The following SHROOM3 variants were observed in gnomAD, a reference collection of about 807,000 sequenced individuals.
SHROOM3 encodes protein Shroom3.
In SHROOM3, 47 loss-of-function variants were observed where a neutral mutation model predicts 138.6. The observed-to-expected ratio is 0.34, with a 90% CI of 0.27 to 0.43. The LOEUF (loss-of-function observed/expected upper bound fraction) is 0.43, where lower values mean the gene tolerates loss of function less well. Among genes scored for constraint, SHROOM3 ranks in the 20% least tolerant of loss-of-function variants. The pLI, the probability that SHROOM3 is intolerant of heterozygous loss-of-function variation, is 1.00. For synonymous variants in SHROOM3, 1,062 were observed against 1,063.3 expected (o/e 1.00, Z 0.02); for missense variants, 2,491 against 2,596.5 (o/e 0.96, Z 0.88).
At chr4:76,579,330 T>A (rs1344135341) in intron 2 of SHROOM3, among the ~76,000 whole-genome samples, 1 of 151,792 alleles carries the variant, frequency 6.6e-6, no homozygotes, top group African/African-American at 2.4e-5. Context: ...TAGCTGGGCG[T>A]GGTGGCAGGC....
intron 2 of SHROOM3, among the ~76,000 whole-genome samples, chr4:76,611,682 A>G (rs955668364): frequency 1.3e-5 from 2 of 152,176 alleles, no homozygotes; most frequent in African/African-American, 4.8e-5. Flanking sequence ...TAATGAAGCT[A>G]GGCAGAGGAA....
chr4:76,681,594 G>GGGGTGTGTGTGTGTGTGTGTGTGTGTGT (rs1553936165), intron 2 of SHROOM3, among the ~76,000 whole-genome samples: 5 of 81,014 alleles, frequency 6.2e-5, no homozygotes, highest in Admixed American at 2.7e-4. Flanking sequence ...CAGAGTCTAG[G>GGGGTGTGTGTGTGTGTGTGTGTGTGTGT]GTGTGTGTGT....
In SHROOM3 at chr4:76,739,214, G is replaced by T. The variant is rs1336611048; in HGVS notation, c.1041G>T (p.Trp347Cys). The change falls in exon 5 of 11, where the codon TGG becomes TGT. Residue 347 changes from tryptophan to cysteine, a missense_variant. Coordinates refer to ENST00000296043, the MANE Select transcript of SHROOM3 (RefSeq NM_020859.4). ...CAAATGGTCAGGGCTATGATAAATG[G>T]TCTAATATTCCTCGGGGCAAGGGAG... ...ASANGQGYDK[W>C]SNIPRGKGVP... 5 of 1,614,054 alleles carry T rather than the reference G, an allele frequency of 3.1e-6. No individual in the cohort carries two copies. The East Asian group carries it at 8.9e-5, about 29-fold the overall frequency.
intron 8 of SHROOM3, chr4:76,758,699 G>GA (rs1316757406): frequency 1.3e-5 from 2 of 152,156 alleles, no homozygotes; most frequent in Non-Finnish European, 2.9e-5. Flanking sequence ...TATCAAGCAG[G>GA]AAACTAGTAA....
intron 1 of SHROOM3, among the ~76,000 whole-genome samples, chr4:76,549,910 C>G (rs78120439): frequency 6.6e-6 from 1 of 152,066 alleles, no homozygotes; most frequent in African/African-American, 2.4e-5. Flanking sequence ...TTCAAGTCCT[C>G]CCTTGGACCT....
intron 1 of SHROOM3, among the ~76,000 whole-genome samples, chr4:76,553,298 C>T (rs967737126): frequency 3.3e-5 from 5 of 151,750 alleles, no homozygotes; most frequent in Admixed American, 2.0e-4. Flanking sequence ...TTTTTTGAGA[C>T]GGGGTCTCGC....
At chr4:76,643,558 G>A (rs1413812259) in intron 2 of SHROOM3, among the ~76,000 whole-genome samples, 2 of 152,150 alleles carry the variant, frequency 1.3e-5, no homozygotes, top group Non-Finnish European at 2.9e-5. Context: ...CATTTTGAAA[G>A]GAGACCAGAG....
At chr4:76,748,948 C>T (rs1162509089) in intron 5 of SHROOM3, 69 bp from the exon 6 acceptor site, 4 of 1,474,162 alleles carry the variant, frequency 2.7e-6, no homozygotes, top group East Asian at 4.7e-5. Flanking sequence ...TCCTTTTTAC[C>T]TCCACCCTCT....
At chr4:76,502,158 C>T (rs907788311) in intron 1 of SHROOM3, among the ~76,000 whole-genome samples, 1 of 152,192 alleles carries the variant, frequency 6.6e-6, no homozygotes, top group African/African-American at 2.4e-5. Flanking sequence ...TCGGGACTCT[C>T]CAGAGTCCCC....
At chr4:76,657,117 C>T (rs1736079351) in intron 2 of SHROOM3, among the ~76,000 whole-genome samples, 1 of 151,974 alleles carries the variant, frequency 6.6e-6, no homozygotes, top group African/African-American at 2.4e-5. Flanking sequence ...ATGAAGGTTG[C>T]AGTGAGCCGA....
At chr4:76,765,604 C>T (rs1025033352) in intron 9 of SHROOM3, among the ~76,000 whole-genome samples, 1 of 152,136 alleles carries the variant, frequency 6.6e-6, no homozygotes, top group Non-Finnish European at 1.5e-5. Context: ...GACGGAGACA[C>T]ACAGAGGCCA....
chr4:76,509,257 C>A (rs1403446899), intron 1 of SHROOM3: 1 of 131,684 alleles, frequency 7.6e-6, no homozygotes, highest in Non-Finnish European at 1.6e-5. Flanking sequence ...CATATCCCCC[C>A]CTCCGAATCC....
intron 1 of SHROOM3, among the ~76,000 whole-genome samples, chr4:76,447,374 G>A (rs1458180813): frequency 6.6e-6 from 1 of 152,148 alleles, no homozygotes; most frequent in African/African-American, 2.4e-5. Flanking sequence ...AATTTTTAAT[G>A]AAAGAAGTTG....
intron 4 of SHROOM3, among the ~76,000 whole-genome samples, chr4:76,733,849 A>G (rs1417412541): frequency 1.3e-5 from 2 of 152,166 alleles, no homozygotes; most frequent in East Asian, 1.9e-4. Context: ...AAAGAGAAGT[A>G]TGGAGAGACT....
intron 2 of SHROOM3, among the ~76,000 whole-genome samples, chr4:76,575,332 C>T (rs891138696): frequency 7.2e-5 from 11 of 152,148 alleles, no homozygotes; most frequent in African/African-American, 2.4e-4. Flanking sequence ...TGGTATTCAA[C>T]ATAGTACTGG....
intron 2 of SHROOM3, 94 bp from the exon 3 acceptor site, chr4:76,710,062 C>T (rs368862513): frequency 6.4e-6 from 10 of 1,563,544 alleles, no homozygotes; most frequent in Non-Finnish European, 8.8e-6. Context: ...CTCCGGGGTT[C>T]GTTTTCATGT....
At chr4:76,491,517 A>T (rs1374958657) in intron 1 of SHROOM3, among the ~76,000 whole-genome samples, 1 of 152,142 alleles carries the variant, frequency 6.6e-6, no homozygotes, top group Non-Finnish European at 1.5e-5. Context: ...TATTGGAAAG[A>T]TTTTTCTCTC....
At position 76,511,663 on chromosome 4, in the gene SHROOM3, G is replaced by A. The variant is rs977443797; in HGVS notation, c.169-43946G>A. On this transcript the variant is annotated intron_variant, in intron 1 of 10. Transcript: ENST00000296043. ...CAGGATCGGGGAGGATTTGCAGTAT[G>A]GGGGCTTGGTAGTGCTCTCTCAGGG... Among the ~76,000 whole-genome samples, 4 of 152,330 alleles carry A rather than the reference G, an allele frequency of 2.6e-5. No individual in the cohort carries two copies. The South Asian group carries it at 8.3e-4, about 32-fold the overall frequency.
intron 1 of SHROOM3, among the ~76,000 whole-genome samples, chr4:76,547,273 G>T (rs1439768372): frequency 6.6e-6 from 1 of 152,200 alleles, no homozygotes; most frequent in Admixed American, 6.5e-5. Flanking sequence ...GGGCTCTGAG[G>T]TTAGTCTTGA....
Sources: allele counts gnomAD v4.1 joint callset (sites outside exome capture counted in the v4.1 genomes callset), GRCh38; gene constraint gnomAD v4.1.1; transcripts MANE v1.5; gene names NCBI Gene and HGNC (gene_info 2026-07-23, HGNC 2026-07-21).